CACNA2D1: variants seen among roughly 807,000 people sequenced by gnomAD.
CACNA2D1 encodes the protein voltage-dependent calcium channel subunit alpha-2/delta-1.
A neutral mutation model predicts 171.5 loss-of-function variants in CACNA2D1; 53 were observed. That is an observed-to-expected ratio of 0.31 (90% CI 0.25 to 0.39). The LOEUF is 0.39. Among genes scored for constraint, CACNA2D1 ranks in the 10% least tolerant of loss-of-function variants. The pLI is 1.00. For synonymous variants in CACNA2D1, 442 were observed against 443.1 expected (o/e 1.00, Z 0.03); for missense variants, 903 against 1,299.8 (o/e 0.69, Z 4.69).
At chr7:82,259,393 A>C (rs1357233440) in intron 3 of CACNA2D1, among the ~76,000 whole-genome samples, 1 of 152,202 alleles carries the variant, frequency 6.6e-6, no homozygotes, top group Non-Finnish European at 1.5e-5. Flanking sequence ...TAAATATTTT[A>C]GTGTCCTTCT....
intron 3 of CACNA2D1, among the ~76,000 whole-genome samples, chr7:82,185,284 C>T (rs946569372): frequency 6.6e-6 from 1 of 150,982 alleles, no homozygotes; most frequent in African/African-American, 2.4e-5. Flanking sequence ...TTTGTCACTA[C>T]CCCACTGCAT....
chr7:82,290,049 G>A (rs1177804024), intron 3 of CACNA2D1, among the ~76,000 whole-genome samples: 2 of 152,214 alleles, frequency 1.3e-5, no homozygotes, highest in Non-Finnish European at 2.9e-5. Context: ...GAGGCTAGAA[G>A]TTGAAATATC....
intron 1 of CACNA2D1, among the ~76,000 whole-genome samples, chr7:82,381,313 C>CAAA (rs11307965): frequency 1.6e-4 from 12 of 74,550 alleles, no homozygotes; most frequent in East Asian, 5.3e-4. Context: ...GACTCTGTCT[C>CAAA]AAAAAAAAAA....
chr7:82,073,115 T>C (rs1333989899), intron 7 of CACNA2D1, among the ~76,000 whole-genome samples: 1 of 152,150 alleles, frequency 6.6e-6, no homozygotes, highest in Non-Finnish European at 1.5e-5. Flanking sequence ...ATCTAAAAAC[T>C]GACTTCATGA....
In CACNA2D1 at chr7:82,335,262, G is replaced by GAA. The variant is rs5885290; in HGVS notation, c.178-13_178-12dup. On this transcript the variant is annotated splice_polypyrimidine_tract_variant and intron_variant, in intron 2 of 38. Transcript: ENST00000356860. ...ATATTTCTCATAAATCTGTGTGAAA[G>GAA]AAAAAAAAAACTAGTAAGAACAATA... The GAA allele has an allele frequency of 2.8e-3, 3,666 of 1,313,420 alleles. No homozygotes were observed. The highest frequency in any genetic ancestry group is 4.0e-3 in the South Asian group (309 of 78,178). 81.4% of individuals were successfully genotyped at this position (1,313,420 alleles called of 1,614,324 possible).
intron 3 of CACNA2D1, among the ~76,000 whole-genome samples, chr7:82,310,100 A>G (rs1031048385): frequency 2.0e-5 from 3 of 152,068 alleles, no homozygotes; most frequent in African/African-American, 7.2e-5. Context: ...AGATCTGTCA[A>G]TTAAAAACTA....
chr7:82,033,238 C>A (rs967978575), intron 11 of CACNA2D1, among the ~76,000 whole-genome samples: 1 of 151,964 alleles, frequency 6.6e-6, no homozygotes, highest in Non-Finnish European at 1.5e-5. Flanking sequence ...CTTTTATATA[C>A]ATATTTTATT....
At chr7:82,165,928 G>A (rs1203612227) in intron 4 of CACNA2D1, among the ~76,000 whole-genome samples, 3 of 151,882 alleles carry the variant, frequency 2.0e-5, no homozygotes. Context: ...ACAATGCTAC[G>A]CTCTCACTTT....
chr7:82,277,392 G>C (rs1809491144), intron 3 of CACNA2D1, among the ~76,000 whole-genome samples: 1 of 151,924 alleles, frequency 6.6e-6, no homozygotes, highest in African/African-American at 2.4e-5. Context: ...AGTAGAGATG[G>C]GGTTTCACCA....
intron 1 of CACNA2D1, among the ~76,000 whole-genome samples, chr7:82,388,414 C>G (rs3757629): frequency 0.19 from 28,552 of 152,138 alleles, 3,333 homozygotes; most frequent in East Asian, 0.43. Flanking sequence ...GCAAAACTCA[C>G]AAAATTGTGA....
chr7:82,038,566 T>C (rs1803586278), intron 10 of CACNA2D1, among the ~76,000 whole-genome samples: 1 of 152,214 alleles, frequency 6.6e-6, no homozygotes. Flanking sequence ...ATGAAATAGA[T>C]GCAGGATCCA....
chr7:82,235,809 TGGACAATACAGAAGA>T (rs1803516484), intron 3 of CACNA2D1, among the ~76,000 whole-genome samples: 1 of 152,084 alleles, frequency 6.6e-6, no homozygotes, highest in Admixed American at 6.6e-5. Context: ...ACAAGCCAAC[TGGACAATACAGAAGA>T]GGACAAGAAT....
intron 1 of CACNA2D1, among the ~76,000 whole-genome samples, chr7:82,370,521 C>T (rs535360572): frequency 9.5e-5 from 14 of 147,848 alleles, no homozygotes; most frequent in African/African-American, 3.5e-4. Flanking sequence ...TAAATATTGA[C>T]AAAACTGGAA....
At chr7:82,285,236 T>A (rs527375230) in intron 3 of CACNA2D1, among the ~76,000 whole-genome samples, 1 of 152,230 alleles carries the variant, frequency 6.6e-6, no homozygotes, top group East Asian at 1.9e-4. Context: ...ACTTCCTCGC[T>A]CTTGCATTCC....
chr7:82,411,689 G>C (rs1366984495), intron 1 of CACNA2D1, among the ~76,000 whole-genome samples: 1 of 152,084 alleles, frequency 6.6e-6, no homozygotes, highest in Non-Finnish European at 1.5e-5. Context: ...ATATGGAGCA[G>C]AAGAACTAGA....
intron 5 of CACNA2D1, among the ~76,000 whole-genome samples, chr7:82,127,110 T>G (rs1411267979): frequency 6.6e-6 from 1 of 152,252 alleles, no homozygotes; most frequent in Non-Finnish European, 1.5e-5. Context: ...TTCTCCAATT[T>G]CAATTAATTT....
chr7:82,425,071 T>C lies in CACNA2D1; in HGVS notation c.95+18294A>G, dbSNP rs1307326985. 2.0e-5 allele frequency among the ~76,000 whole-genome samples: 3 copies of C among 152,188 alleles called. No individual in the cohort carries two copies. The East Asian group carries it at 5.8e-4, about 29-fold the overall frequency. On this transcript the variant is annotated intron_variant, in intron 1 of 38. Coordinates refer to ENST00000356860, the MANE Select transcript of CACNA2D1 (RefSeq NM_000722.4). ...TCACTCCCTTAATTATGTGACGTTA[T>C]GTGGTAAAGGTAACACGATTCTGCA... is the stretch of plus-strand genomic sequence containing the variant.
chr7:82,414,551 C>G (rs1827985866), intron 1 of CACNA2D1, among the ~76,000 whole-genome samples: 1 of 152,156 alleles, frequency 6.6e-6, no homozygotes, highest in African/African-American at 2.4e-5. Context: ...GAAGCAAGAG[C>G]AGCAGTGAGT....
At chr7:82,378,923 G>A (rs1823332893) in intron 1 of CACNA2D1, among the ~76,000 whole-genome samples, 1 of 148,120 alleles carries the variant, frequency 6.8e-6, no homozygotes, top group Non-Finnish European at 1.5e-5. Flanking sequence ...TACTGTATGT[G>A]TGCAGGGGTT....
Sources: allele counts gnomAD v4.1 joint callset (sites outside exome capture counted in the v4.1 genomes callset), GRCh38; gene constraint gnomAD v4.1.1; transcripts MANE v1.5; gene names NCBI Gene and HGNC (gene_info 2026-07-23, HGNC 2026-07-21).